The following CHP1 variants were observed in gnomAD, a reference collection of about 807,000 sequenced individuals.
CHP1 encodes calcineurin like EF-hand protein 1, also known as calcineurin B homologous protein 1.
In CHP1, 11 loss-of-function variants were observed where a neutral mutation model predicts 27.4. The observed-to-expected ratio is 0.40, with a 90% CI of 0.25 to 0.67. CHP1 has a LOEUF of 0.67. CHP1 is among the 30% of genes least tolerant of loss of function. The probability of loss-of-function intolerance (pLI) is 0.38; values close to 1 mark genes in which losing one functional copy is unlikely to be tolerated. For missense variants in CHP1, 169 were observed against 251.3 expected, an observed-to-expected ratio of 0.67 and a Z score of 2.22; for synonymous variants, 89 against 87.4, an observed-to-expected ratio of 1.02 and a Z score of -0.10.
intron 5 of CHP1, among the ~76,000 whole-genome samples, chr15:41,274,790 GTTTTT>G (rs34053067): frequency 8.3e-6 from 1 of 120,752 alleles, no homozygotes. Context: ...CATTGTCTTT[GTTTTT>G]TTTTTTTTTT....
At chr15:41,264,687 A>G (rs1310373341) in intron 4 of CHP1, among the ~76,000 whole-genome samples, 1 of 152,148 alleles carries the variant, frequency 6.6e-6, no homozygotes, top group Non-Finnish European at 1.5e-5. Flanking sequence ...GCAAGCAGTC[A>G]TCCCACCTTG....
At chr15:41,252,689 C>T (rs1164448313) in intron 2 of CHP1, among the ~76,000 whole-genome samples, 3 of 152,022 alleles carry the variant, frequency 2.0e-5, no homozygotes, top group Admixed American at 2.0e-4. Flanking sequence ...GTCTAAAAAC[C>T]CTGGTTTTTC....
At chr15:41,233,038 C>T (rs1438924315) in intron 1 of CHP1, among the ~76,000 whole-genome samples, 2 of 152,150 alleles carry the variant, frequency 1.3e-5, no homozygotes, top group Non-Finnish European at 2.9e-5. Flanking sequence ...GTCCTTTTCA[C>T]GATTTGAATG....
intron 1 of CHP1, among the ~76,000 whole-genome samples, chr15:41,239,506 C>T (rs947003576): frequency 6.6e-6 from 1 of 151,806 alleles, no homozygotes; most frequent in African/African-American, 2.4e-5. Flanking sequence ...CAGGATCAAG[C>T]GATTCTCCTG....
At chr15:41,275,912 T>A (rs2047517402) in intron 5 of CHP1, among the ~76,000 whole-genome samples, 1 of 152,044 alleles carries the variant, frequency 6.6e-6, no homozygotes. Context: ...ATGGGGTTTC[T>A]CCACCATGCC....
chr15:41,258,687 C>A (rs8031542), intron 3 of CHP1, among the ~76,000 whole-genome samples: 16,074 of 152,204 alleles, frequency 0.11, 1,194 homozygotes, highest in East Asian at 0.21. Flanking sequence ...TAAATATTTA[C>A]TGATTTGATT....
At chr15:41,233,177 C>T (rs865816778) in intron 1 of CHP1, among the ~76,000 whole-genome samples, 2 of 152,264 alleles carry the variant, frequency 1.3e-5, no homozygotes, top group Middle Eastern at 3.4e-3. Flanking sequence ...GCCATAACTT[C>T]TGGCCACATT....
intron 2 of CHP1, among the ~76,000 whole-genome samples, chr15:41,255,039 T>C (rs1471717563): frequency 3.3e-5 from 5 of 152,236 alleles, no homozygotes; most frequent in Non-Finnish European, 7.3e-5. Context: ...CATACTTCAC[T>C]GTTTATTTCC....
chr15:41,250,984 A>G (rs1462191356), intron 2 of CHP1, among the ~76,000 whole-genome samples: 1 of 151,940 alleles, frequency 6.6e-6, no homozygotes, highest in Non-Finnish European at 1.5e-5. Context: ...ATAGGCGTGC[A>G]CTACCACGCC....
chr15:41,237,372 T>G (rs1595469969), intron 1 of CHP1, among the ~76,000 whole-genome samples: 1 of 152,190 alleles, frequency 6.6e-6, no homozygotes, highest in African/African-American at 2.4e-5. Flanking sequence ...GGTCTCGAAC[T>G]CCTAACCTCA....
chr15:41,258,331 CA>C (rs2047413553), intron 3 of CHP1, among the ~76,000 whole-genome samples: 1 of 152,192 alleles, frequency 6.6e-6, no homozygotes, highest in South Asian at 2.1e-4. Context: ...GTAAACTTAA[CA>C]TTGATACAAT....
intron 2 of CHP1, among the ~76,000 whole-genome samples, chr15:41,250,397 G>T (rs1279086609): frequency 6.6e-6 from 1 of 152,000 alleles, no homozygotes; most frequent in African/African-American, 2.4e-5. Context: ...CATAGAGATT[G>T]TTTTTTCTAA....
At chr15:41,278,392 G>T (rs747720747) in intron 5 of CHP1, among the ~76,000 whole-genome samples, 6 of 151,526 alleles carry the variant, frequency 4.0e-5, no homozygotes, top group Admixed American at 6.6e-5. Context: ...TACATATGCA[G>T]GTTAGTTATG....
intron 2 of CHP1, among the ~76,000 whole-genome samples, chr15:41,249,481 T>C (rs986120256): frequency 4.3e-5 from 6 of 138,592 alleles, no homozygotes; most frequent in Admixed American, 4.3e-4. Flanking sequence ...TTTTTTTTTT[T>C]TTTTTTTTTG....
chr15:41,268,148 A>T (rs1412162163), intron 4 of CHP1, among the ~76,000 whole-genome samples: 1 of 152,178 alleles, frequency 6.6e-6, no homozygotes, highest in African/African-American at 2.4e-5. Context: ...TGAATAAACA[A>T]GATTTATTGT....
intron 5 of CHP1, among the ~76,000 whole-genome samples, chr15:41,275,769 G>A (rs937086767): frequency 8.6e-5 from 13 of 151,972 alleles, no homozygotes; most frequent in Admixed American, 8.5e-4. Context: ...AGCCTGGAGT[G>A]CAATGGTGCA....
chr15:41,252,990 G>A (rs111595947), intron 2 of CHP1, among the ~76,000 whole-genome samples: 19,404 of 128,856 alleles, frequency 0.15, 1,529 homozygotes, highest in South Asian at 0.29. Context: ...CCAGGCTGGA[G>A]TGCAGTGGCG....
At chr15:41,244,382 T>C (rs2047322966) in intron 2 of CHP1, among the ~76,000 whole-genome samples, 1 of 152,138 alleles carries the variant, frequency 6.6e-6, no homozygotes. Context: ...TTTTAGGAAG[T>C]TGACCCATAG....
chr15:41,246,624 C>CTT lies in CHP1; in HGVS notation c.140+2910_140+2911dup, dbSNP rs561426550. ...CGAGCCACCGTGCCTGGCCAAAAAG[C>CTT]TTTTTTTTTTTTTTTTTTTTTTTTT... On this transcript the variant is annotated intron_variant, in intron 2 of 6. Transcript: ENST00000334660. Among the ~76,000 whole-genome samples, 294 of 57,316 alleles carry CTT rather than the reference C, an allele frequency of 5.1e-3. 14 individuals are homozygous for CTT. Among genetic ancestry groups the CTT allele is most frequent in the African/African-American group, 0.016 (215 of 13,642 alleles). 37.6% of individuals were successfully genotyped at this position (57,316 alleles called of 152,430 possible).
Sources: allele counts gnomAD v4.1 joint callset (sites outside exome capture counted in the v4.1 genomes callset), GRCh38; gene constraint gnomAD v4.1.1; transcripts MANE v1.5; gene names NCBI Gene and HGNC (gene_info 2026-07-23, HGNC 2026-07-21).